The following TBCD variants were observed in gnomAD, a reference collection of about 807,000 sequenced individuals.
TBCD encodes the protein tubulin folding cofactor D.
In TBCD, 105 loss-of-function variants were observed where a neutral mutation model predicts 169.3. That is an observed-to-expected ratio of 0.62 (90% confidence interval 0.53 to 0.73). TBCD has a LOEUF of 0.73. Among genes scored for constraint, TBCD ranks in the 30% least tolerant of loss-of-function variants. The pLI, the probability that TBCD is intolerant of heterozygous loss-of-function variation, is 0.00. For missense variants in TBCD, 1,444 were observed against 1,600.1 expected (o/e 0.90, Z 1.66); for synonymous variants, 700 against 643.9 (o/e 1.09, Z -1.32).
chr17:82,895,641 A>C (rs1343005170), intron 17 of TBCD, among the ~76,000 whole-genome samples: 1 of 152,070 alleles, frequency 6.6e-6, no homozygotes, highest in Non-Finnish European at 1.5e-5. Flanking sequence ...CGCTGGAGGA[A>C]GGTGGGAGTT....
chr17:82,911,685 T>C (rs1386540623), intron 22 of TBCD, 73 bp from the exon 23 acceptor site: 1 of 1,463,892 alleles, frequency 6.8e-7, no homozygotes, highest in Non-Finnish European at 9.5e-7. Flanking sequence ...TGAGGTTACA[T>C]TGGCAAGCAT....
chr17:82,768,674 T>G (rs2048147433), intron 5 of TBCD, 108 bp downstream of exon 5: 8 of 1,248,290 alleles, frequency 6.4e-6, no homozygotes, highest in Non-Finnish European at 7.6e-6. Context: ...ATTCAACTGC[T>G]GTTTTTTTCA....
intron 37 of TBCD, 136 bp from the exon 38 acceptor site, chr17:82,941,263 T>C: frequency 1.4e-6 from 1 of 693,878 alleles, no homozygotes; most frequent in East Asian, 2.8e-5. Flanking sequence ...TTTTCTGCCC[T>C]CAGCCTGGCT....
At chr17:82,811,129 G>A (rs949237629) in intron 12 of TBCD, among the ~76,000 whole-genome samples, 3 of 152,172 alleles carry the variant, frequency 2.0e-5, no homozygotes, top group Admixed American at 6.5e-5. Context: ...TGTTTCAGGC[G>A]TGTCCCTGGA....
chr17:82,822,154 A>G (rs62073990), intron 13 of TBCD, among the ~76,000 whole-genome samples: 6,529 of 151,986 alleles, frequency 0.043, 210 homozygotes, highest in Non-Finnish European at 0.065. Flanking sequence ...GATGACGAAA[A>G]CTCTGCACGT....
intron 15 of TBCD, among the ~76,000 whole-genome samples, chr17:82,887,266 C>T (rs2058823840): frequency 6.6e-6 from 1 of 152,148 alleles, no homozygotes; most frequent in African/African-American, 2.4e-5. Flanking sequence ...CACAGCAGCC[C>T]TGTCTTCCCG....
intron 13 of TBCD, among the ~76,000 whole-genome samples, chr17:82,848,248 CAGAG>C (rs892938077): frequency 1.1e-4 from 16 of 152,224 alleles, no homozygotes; most frequent in African/African-American, 3.4e-4. Context: ...CCGTCAGAGT[CAGAG>C]GGAGGGCGAG....
Position 82,756,005 on chromosome 17 carries a change from C to G in TBCD, c.185-160C>G, listed in dbSNP as rs180781316. Among the ~76,000 whole-genome samples, 719 of 152,146 alleles carry G rather than the reference C, an allele frequency of 4.7e-3. 1 individual carries two copies. The highest frequency in any genetic ancestry group is 6.5e-3 in the Non-Finnish European group (445 of 68,010). On this transcript the variant is annotated intron_variant, in intron 1 of 38. Transcript: ENST00000355528. ...GAGGTGGGGCATTCCCTCCAGGTGG[C>G]CTGTGTGGCCTCCTTTAGTGAGAGG...
intron 1 of TBCD, 132 bp from the exon 2 acceptor site, chr17:82,756,033 A>G: frequency 1.3e-6 from 1 of 762,602 alleles, no homozygotes; most frequent in Non-Finnish European, 2.2e-6. Context: ...GTGAGAGGGG[A>G]GGTGTGCTCT....
Position 82,935,426 on chromosome 17 carries a change from C to G in TBCD, c.3192-1845C>G, listed in dbSNP as rs140463835. ...CATGACCTTTATAATCCCCTTGGTT[C>G]TCAGCCTGCCACTCACAGGACTTTT... On this transcript the variant is annotated intron_variant, in intron 34 of 38. Transcript: ENST00000355528. Among the ~76,000 whole-genome samples the G allele has an allele frequency of 1.5e-3, 234 of 152,230 alleles. 1 individual carries two copies. The East Asian group carries it at 0.04, about 26-fold the overall frequency.
rs2063661618 is a variant in TBCD, at chr17:82,945,804, G to A, written c.*3341G>A. On this transcript the variant is annotated 3_prime_UTR_variant, in exon 39 of 39. Coordinates refer to ENST00000355528, the MANE Select transcript of TBCD (RefSeq NM_005993.5). Reference sequence around the variant, plus strand: ...ATATCTTCTGGGGGTGCCCCTGGTTGAGAACCACTGCTTTAGTGGATAAAC... The same window carrying A: ...ATATCTTCTGGGGGTGCCCCTGGTTAAGAACCACTGCTTTAGTGGATAAAC... 6.6e-6 allele frequency: 1 copy of A among 152,216 alleles called. No homozygotes were observed. Among genetic ancestry groups the A allele is most frequent in the South Asian group, 2.1e-4 (1 of 4,832 alleles). 9.4% of individuals were successfully genotyped at this position (152,216 alleles called of 1,614,324 possible).
rs529310427 is a variant in TBCD, at chr17:82,920,053, G to A, written c.2039-503G>A. ...CTGTCCAGTCGTCTCTGTCTCGTGC[G>A]TCCTGGCCCCCTCGTGGCTGGTCAG... On this transcript the variant is annotated intron_variant, in intron 23 of 38. Transcript: ENST00000355528. This position sits in a 1 kb window ranked among gnomAD's most constrained non-coding sequence, Gnocchi z 4.1. Among the ~76,000 whole-genome samples the A allele has an allele frequency of 6.6e-5, 10 of 152,344 alleles. No individual in the cohort carries two copies. In the South Asian group the frequency reaches 1.0e-3, roughly 16 times the overall value.
At chr17:82,768,913 A>G (rs1356481308) in intron 5 of TBCD, among the ~76,000 whole-genome samples, 2 of 152,260 alleles carry the variant, frequency 1.3e-5, no homozygotes, top group African/African-American at 4.8e-5. Flanking sequence ...TAGGAGAACT[A>G]GAAAATAAAG....
chr17:82,752,446 C>G (rs1452904400), intron 1 of TBCD, 69 bp downstream of exon 1: 1 of 1,136,678 alleles, frequency 8.8e-7, no homozygotes, highest in African/African-American at 1.6e-5. Context: ...TGCACTTTAC[C>G]GGGCGGGGAC....
At chr17:82,791,800 G>A (rs1269839922) in intron 7 of TBCD, among the ~76,000 whole-genome samples, 1 of 152,210 alleles carries the variant, frequency 6.6e-6, no homozygotes, top group Non-Finnish European at 1.5e-5. Context: ...TCGTTGGGCA[G>A]TGTCGTCGTG....
At chr17:82,897,860 C>T (rs1424522974) in intron 17 of TBCD, among the ~76,000 whole-genome samples, 8 of 152,136 alleles carry the variant, frequency 5.3e-5, no homozygotes, top group African/African-American at 1.7e-4. Context: ...TTTGAGCCCC[C>T]GTGGGTTTTG....
At chr17:82,860,085 G>A (rs1008063943) in intron 13 of TBCD, among the ~76,000 whole-genome samples, 1 of 152,372 alleles carries the variant, frequency 6.6e-6, no homozygotes, top group South Asian at 2.1e-4. Flanking sequence ...GAGTATGGGG[G>A]CTGGGAGTCC....
chr17:82,774,679 C>T (rs2048482470), intron 6 of TBCD, among the ~76,000 whole-genome samples: 2 of 152,142 alleles, frequency 1.3e-5, no homozygotes. Context: ...GCGGGGGCTG[C>T]CCCCCACCCG....
chr17:82,869,846 T>A (rs1455330034), intron 13 of TBCD, among the ~76,000 whole-genome samples: 2 of 152,072 alleles, frequency 1.3e-5, no homozygotes, highest in Non-Finnish European at 2.9e-5. Flanking sequence ...CAGGGGCGCC[T>A]CTCCCTCCCC....
Sources: gnomAD v4.1 joint callset for allele counts (sites outside exome capture counted in the v4.1 genomes callset) on GRCh38, gnomAD v4.1.1 for gene constraint, Gnocchi (gnomAD v3.1) non-coding constraint, MANE v1.5 for transcripts, NCBI Gene and HGNC (gene_info 2026-07-23, HGNC 2026-07-21) for gene names.